The following FANCA variants were observed in gnomAD, a reference collection of about 807,000 sequenced individuals.
The protein encoded by FANCA is Fanconi anemia group A protein.
FANCA carries 236 observed loss-of-function variants against 194.3 expected under a neutral mutation model. The ratio of observed to expected loss-of-function variants is 1.21; its 90% CI spans 1.09 to 1.35. The LOEUF (loss-of-function observed/expected upper bound fraction) is 1.35. FANCA is among the 40% of genes most tolerant of loss of function. FANCA has a pLI of 0.00. For synonymous variants in FANCA, 1,014 were observed against 715.8 expected, an observed-to-expected ratio of 1.42 and a Z score of -6.65; for missense variants, 2,628 against 1,813.9, an observed-to-expected ratio of 1.45 and a Z score of -8.15.
rs1420343115 is a variant in FANCA at position 89,767,249 on chromosome 16, AATT to A, written c.2505-15_2505-13del. The A allele has an allele frequency of 4.5e-6, 7 of 1,555,636 alleles. No homozygotes were observed. Among genetic ancestry groups the A allele is most frequent in the Non-Finnish European group, 6.2e-6 (7 of 1,127,610 alleles). ...CTGCTGTACAAAATCTGAAAACAGA[AATT>A]ATAACATATAAATGTAATCCATACA... On this transcript the variant is annotated splice_polypyrimidine_tract_variant and intron_variant, in intron 26 of 42. Transcript: ENST00000389301.
At chr16:89,738,776 T>C (rs2062035443) in intron 42 of FANCA, 68 bp from the exon 43 acceptor site, 3 of 1,612,462 alleles carry the variant, frequency 1.9e-6, no homozygotes, top group Non-Finnish European at 2.5e-6. Flanking sequence ...GGAGGGGCTC[T>C]GGCAGAAATA....
At chr16:89,747,036 C>G (rs533048108) in intron 33 of FANCA, 146 bp from the exon 34 acceptor site, 6 of 790,504 alleles carry the variant, frequency 7.6e-6, no homozygotes, top group Non-Finnish European at 4.2e-6. Context: ...CTGGGCTGAC[C>G]GGGCCTGGCG....
At chr16:89,756,631 A>C (rs1325212632) in intron 30 of FANCA, among the ~76,000 whole-genome samples, 1 of 152,138 alleles carries the variant, frequency 6.6e-6, no homozygotes, top group African/African-American at 2.4e-5. Context: ...AAATAAATAT[A>C]AATAAGACAA....
chr16:89,768,919 C>T (rs2039222503), intron 26 of FANCA, among the ~76,000 whole-genome samples: 1 of 61,736 alleles, frequency 1.6e-5, no homozygotes, highest in Non-Finnish European at 2.9e-5. Flanking sequence ...ACACCCAGTA[C>T]TCAGTGTTTG....
At chr16:89,813,843 C>T (rs1377936070) in intron 3 of FANCA, among the ~76,000 whole-genome samples, 6 of 145,786 alleles carry the variant, frequency 4.1e-5, no homozygotes, top group East Asian at 2.0e-4. Flanking sequence ...TCCGTGTGCA[C>T]GTGCGTGCAT....
At position 89,737,571 on chromosome 16, in the gene FANCA, T is replaced by C. The variant is rs547236392; in HGVS notation, c.*1030A>G. The C allele has an allele frequency of 6.2e-6, 4 of 648,232 alleles. No homozygotes were observed. Among genetic ancestry groups the C allele is most frequent in the Middle Eastern group, 4.7e-4 (1 of 2,148 alleles). 40.2% of individuals were successfully genotyped at this position (648,232 alleles called of 1,614,324 possible). ...TGGTTAAGGAAATAGCTTTCTGAGGTTTCTTTAAAAACCATCCTGAAATGC... is the reference window on the plus strand; with the variant it reads ...TGGTTAAGGAAATAGCTTTCTGAGGCTTCTTTAAAAACCATCCTGAAATGC... On this transcript the variant is annotated 3_prime_UTR_variant, in exon 43 of 43. Transcript: ENST00000389301.
intron 10 of FANCA, chr16:89,798,499 A>C: frequency 9.1e-7 from 1 of 1,104,166 alleles, no homozygotes; most frequent in Admixed American, 4.5e-5. Context: ...AAGGCCTGGA[A>C]ACAGTGGCAA....
chr16:89,815,162 G>T (rs546688437), intron 2 of FANCA, among the ~76,000 whole-genome samples: 1 of 151,748 alleles, frequency 6.6e-6, no homozygotes, highest in African/African-American at 2.4e-5. Flanking sequence ...TCAGCCTCCT[G>T]AGCAGCTGGG....
At chr16:89,781,363 C>CAAAAAAAAAAA (rs775937692) in intron 17 of FANCA, among the ~76,000 whole-genome samples, 1 of 60,400 alleles carries the variant, frequency 1.7e-5, no homozygotes, top group Non-Finnish European at 2.9e-5. Flanking sequence ...GACTCCATTC[C>CAAAAAAAAAAA]AAAAAAAAAA....
chr16:89,799,222 G>A lies in FANCA; in HGVS notation c.837C>T (p.Asp279=), dbSNP rs752311383. The part of the protein sequence containing the change: ...VLQRMLIFAL[D]ALAAGVQEES... Reference sequence around the variant, plus strand: ...CCTCCTGTACTCCAGCAGCCAAAGCGTCAAGTGCAACTGAAGACAGAGCCA... The same window carrying A: ...CCTCCTGTACTCCAGCAGCCAAAGCATCAAGTGCAACTGAAGACAGAGCCA... Residue 279 remains aspartate, a synonymous_variant, in exon 10 of 43, where the codon GAC becomes GAT. Transcript: ENST00000389301. 4.3e-5 allele frequency: 69 copies of A among 1,613,940 alleles called. No individual in the cohort carries two copies. Among genetic ancestry groups the A allele is most frequent in the Middle Eastern group, 1.6e-4 (1 of 6,082 alleles).
At chr16:89,744,631 C>A in intron 36 of FANCA, 1 of 376,502 alleles carries the variant, frequency 2.7e-6, no homozygotes, top group East Asian at 6.2e-5. Context: ...TGGGAGAGGC[C>A]GTTCCTCACT....
Position 89,764,904 on chromosome 16 carries a change from C to G in FANCA, c.2764G>C (p.Glu922Gln). 1.9e-6 allele frequency: 3 copies of G among 1,614,128 alleles called. No individual in the cohort carries two copies. The highest frequency in any genetic ancestry group is 2.5e-6 in the Non-Finnish European group (3 of 1,179,980). Reference protein sequence around the residue: ...THRTFREVLKEEDVHLTYQDW... With the variant: ...THRTFREVLKQEDVHLTYQDW... ...CGGTCACCTACGTGAACATCTTCCT[C>G]TTTCAACACCTCTCGGAAGGTTCTG... is the stretch of plus-strand genomic sequence containing the variant. The change falls in exon 28 of 43, where the codon GAG (glutamate) becomes CAG (glutamine). Residue 922 changes from glutamate (E) to glutamine (Q), a missense_variant. Transcript: ENST00000389301.
chr16:89,761,261 T>C (rs528921055), intron 29 of FANCA, among the ~76,000 whole-genome samples: 1 of 151,540 alleles, frequency 6.6e-6, no homozygotes, highest in Non-Finnish European at 1.5e-5. Flanking sequence ...CTACCAAAAA[T>C]ACAAAAAATT....
chr16:89,815,199 G>C (rs2041056610), intron 2 of FANCA, among the ~76,000 whole-genome samples: 1 of 151,848 alleles, frequency 6.6e-6, no homozygotes, highest in African/African-American at 2.4e-5. Flanking sequence ...ACCATACCCG[G>C]CTAATTTTTG....
chr16:89,755,416 G>C (rs1282434481), intron 30 of FANCA, among the ~76,000 whole-genome samples: 1 of 151,860 alleles, frequency 6.6e-6, no homozygotes, highest in African/African-American at 2.4e-5. Flanking sequence ...TGTTGGCCAG[G>C]CTGGTCTCGA....
chr16:89,780,451 C>A (rs1438953987), intron 17 of FANCA, among the ~76,000 whole-genome samples: 3 of 151,938 alleles, frequency 2.0e-5, no homozygotes, highest in Non-Finnish European at 4.4e-5. Context: ...GATGACATCT[C>A]ATCTCTAAAA....
chr16:89,769,735 G>A lies in FANCA; in HGVS notation c.2504+102C>T, dbSNP rs1567617892. 5 of 1,335,376 alleles carry A rather than the reference G, an allele frequency of 3.7e-6. No individual in the cohort carries two copies. In the East Asian group the frequency reaches 1.2e-4, roughly 33 times the overall value. The allele number at this position is 1,335,376 out of a possible 1,614,324, so 82.7% of individuals were successfully genotyped here. Reference sequence around the variant, plus strand: ...AAATGCTAAAAAGTGGTTATCTTTGGGTGGTATGTCTGCATGTCTGTCTCT... The same window carrying A: ...AAATGCTAAAAAGTGGTTATCTTTGAGTGGTATGTCTGCATGTCTGTCTCT... On this transcript the variant is annotated intron_variant, in intron 26 of 42. Transcript: ENST00000389301.
chr16:89,810,959 A>C lies in FANCA; in HGVS notation c.396T>G (p.Ser132Arg), dbSNP rs1272640964. ...GQICTAPAETSHPVLLTVEQR... is the reference protein window; with the variant it reads ...GQICTAPAETRHPVLLTVEQR... The stretch of plus-strand genomic sequence containing the variant: ...GCTCCACAGTCAGCAGCACAGGGTG[A>C]CTGGTCTCCGCTGGAGCCGTGCAGA... The change falls in exon 4 of 43, where the codon AGT (serine) becomes AGG (arginine). Residue 132 changes from serine to arginine, a missense_variant. By Grantham distance (110) the Ser-to-Arg change is moderately radical. Coordinates refer to ENST00000389301, the MANE Select transcript of FANCA (RefSeq NM_000135.4). The C allele has an allele frequency of 2.5e-6, 4 of 1,614,136 alleles. No homozygotes were observed. Among genetic ancestry groups the C allele is most frequent in the Non-Finnish European group, 3.4e-6 (4 of 1,180,040 alleles).
chr16:89,761,509 A>G (rs1598096181), intron 29 of FANCA, among the ~76,000 whole-genome samples: 1 of 152,292 alleles, frequency 6.6e-6, no homozygotes, highest in East Asian at 1.9e-4. Context: ...CCACCGAAAA[A>G]AAAAAAATTG....
Sources: allele counts gnomAD v4.1 joint callset (sites outside exome capture counted in the v4.1 genomes callset), GRCh38; gene constraint gnomAD v4.1.1; transcripts MANE v1.5; gene names NCBI Gene and HGNC (gene_info 2026-07-23, HGNC 2026-07-21).